The following AGBL4 variants were observed in gnomAD, a reference collection of about 807,000 sequenced individuals.
AGBL4 encodes the protein cytosolic carboxypeptidase 6.
In AGBL4, 58 loss-of-function variants were observed where a neutral mutation model predicts 66.4. That is an observed-to-expected ratio of 0.87 (90% CI 0.71 to 1.09). The LOEUF is 1.09. Among genes scored for constraint, AGBL4 ranks in the 50% least tolerant of loss-of-function variants. The probability of loss-of-function intolerance (pLI) is 0.00; values close to 1 mark genes in which losing one functional copy is unlikely to be tolerated. For missense variants in AGBL4, 579 were observed against 631.0 expected, an observed-to-expected ratio of 0.92 and a Z score of 0.88; for synonymous variants, 234 against 222.9, an observed-to-expected ratio of 1.05 and a Z score of -0.44.
intron 3 of AGBL4, among the ~76,000 whole-genome samples, chr1:49,656,506 T>A (rs1487372702): frequency 1.3e-5 from 2 of 152,172 alleles, no homozygotes; most frequent in African/African-American, 4.8e-5. Flanking sequence ...ACTCATTTTA[T>A]GAGGCCAGCA....
intron 1 of AGBL4, among the ~76,000 whole-genome samples, chr1:49,945,430 C>T (rs1655121713): frequency 6.6e-6 from 1 of 152,018 alleles, no homozygotes. Flanking sequence ...TTAAACCAAA[C>T]AATTAACAGC....
Position 49,045,770 on chromosome 1 carries a change from G to C in AGBL4, c.408C>G (p.Tyr136Ter). 4 of 1,551,504 alleles carry C rather than the reference G, an allele frequency of 2.6e-6. No homozygotes were observed. The highest frequency in any genetic ancestry group is 3.5e-6 in the Non-Finnish European group (4 of 1,146,750). ...WQRLPPKNVY[Y>*]YRCPDHRKNY... Reference sequence around the variant, plus strand: ...TCTTCCTATGGTCCGGGCAGCGGTAGTAGTAAACATTTTTGGGTGGCAGCC... The same window carrying C: ...TCTTCCTATGGTCCGGGCAGCGGTACTAGTAAACATTTTTGGGTGGCAGCC... The change falls in exon 5 of 14, where the codon TAC (tyrosine) becomes TAG (stop). Residue 136 changes from tyrosine to a stop codon, truncating the protein, a stop_gained. Coordinates refer to ENST00000371839, the MANE Select transcript of AGBL4 (RefSeq NM_032785.4). LOFTEE classifies it high-confidence loss of function.
intron 3 of AGBL4, among the ~76,000 whole-genome samples, chr1:49,421,257 T>A (rs939849720): frequency 1.3e-5 from 2 of 152,038 alleles, no homozygotes; most frequent in Admixed American, 6.6e-5. Flanking sequence ...TATGCTCAAG[T>A]ACAAGCACTT....
intron 5 of AGBL4, among the ~76,000 whole-genome samples, chr1:48,946,539 G>GA (rs112958070): frequency 0.026 from 3,917 of 152,234 alleles, 175 homozygotes; most frequent in African/African-American, 0.087. Flanking sequence ...TTCTGCATTG[G>GA]AAAATGGGTG....
At chr1:49,557,013 G>T (rs999189170) in intron 3 of AGBL4, among the ~76,000 whole-genome samples, 1 of 152,094 alleles carries the variant, frequency 6.6e-6, no homozygotes, top group African/African-American at 2.4e-5. Flanking sequence ...GTGCGGGGCT[G>T]CCCAGCCCTC....
chr1:49,058,894 T>A (rs1296665281), intron 4 of AGBL4, among the ~76,000 whole-genome samples: 1 of 152,146 alleles, frequency 6.6e-6, no homozygotes, highest in Non-Finnish European at 1.5e-5. Context: ...AATTTTGAAC[T>A]TGAGAGAGAT....
chr1:48,629,884 G>A (rs143417098), intron 9 of AGBL4, among the ~76,000 whole-genome samples: 1 of 152,256 alleles, frequency 6.6e-6, no homozygotes, highest in Non-Finnish European at 1.5e-5. Flanking sequence ...TTGGGGAGGG[G>A]TTTGTGGTTC....
chr1:48,687,270 G>A (rs1646549043), intron 6 of AGBL4, among the ~76,000 whole-genome samples: 1 of 152,188 alleles, frequency 6.6e-6, no homozygotes, highest in Admixed American at 6.5e-5. Flanking sequence ...AAGGCCAGGG[G>A]AGCTGCCAAC....
chr1:49,770,648 AC>A (rs1323079200), intron 2 of AGBL4, among the ~76,000 whole-genome samples: 1 of 152,034 alleles, frequency 6.6e-6, no homozygotes, highest in Admixed American at 6.5e-5. Flanking sequence ...CAAGACCTGG[AC>A]TTTTTTTTCA....
At chr1:49,717,093 A>G (rs1423936150) in intron 2 of AGBL4, among the ~76,000 whole-genome samples, 2 of 152,184 alleles carry the variant, frequency 1.3e-5, no homozygotes, top group African/African-American at 2.4e-5. Flanking sequence ...ATGATACAAA[A>G]TCAACGTGCA....
At chr1:48,684,415 A>G (rs1199844327) in intron 6 of AGBL4, among the ~76,000 whole-genome samples, 2 of 152,242 alleles carry the variant, frequency 1.3e-5, no homozygotes, top group Non-Finnish European at 2.9e-5. Context: ...ACGTAGTCAT[A>G]GGCTGAGTTC....
intron 8 of AGBL4, among the ~76,000 whole-genome samples, chr1:48,635,614 C>T (rs1183320705): frequency 6.6e-6 from 1 of 152,196 alleles, no homozygotes; most frequent in African/African-American, 2.4e-5. Flanking sequence ...CCCTTGCTCT[C>T]TCAAGGCCTA....
At chr1:49,067,403 C>T (rs1302301300) in intron 4 of AGBL4, among the ~76,000 whole-genome samples, 3 of 152,164 alleles carry the variant, frequency 2.0e-5, no homozygotes, top group Non-Finnish European at 2.9e-5. Flanking sequence ...ATGACATGAC[C>T]TCTACCTACT....
At chr1:50,008,784 T>A (rs1055535965) in intron 1 of AGBL4, among the ~76,000 whole-genome samples, 93 of 151,646 alleles carry the variant, frequency 6.1e-4, no homozygotes, top group African/African-American at 1.8e-3. Flanking sequence ...AAGACAAGTC[T>A]CAAATAAATA....
intron 3 of AGBL4, among the ~76,000 whole-genome samples, chr1:49,303,836 GT>G (rs904474630): frequency 6.6e-6 from 1 of 151,854 alleles, no homozygotes; most frequent in South Asian, 2.1e-4. Flanking sequence ...AATGGGGTTG[GT>G]TTTTTCTCGT....
chr1:49,075,928 C>A (rs1298774947), intron 4 of AGBL4, among the ~76,000 whole-genome samples: 2 of 152,088 alleles, frequency 1.3e-5, no homozygotes, highest in Non-Finnish European at 2.9e-5. Flanking sequence ...AAGAAATCAA[C>A]AAACTGTTGG....
At chr1:49,202,468 C>A (rs1449391133) in intron 4 of AGBL4, among the ~76,000 whole-genome samples, 6 of 152,162 alleles carry the variant, frequency 3.9e-5, no homozygotes, top group East Asian at 3.9e-4. Context: ...AAAAAATAAA[C>A]CTTCACATAT....
intron 3 of AGBL4, among the ~76,000 whole-genome samples, chr1:49,647,683 C>T (rs1367230875): frequency 6.6e-6 from 1 of 152,014 alleles, no homozygotes; most frequent in Non-Finnish European, 1.5e-5. Flanking sequence ...GGTCTTCTCT[C>T]AGGAGAAACT....
At chr1:49,636,919 A>T (rs913776513) in intron 3 of AGBL4, among the ~76,000 whole-genome samples, 1 of 152,196 alleles carries the variant, frequency 6.6e-6, no homozygotes, top group Non-Finnish European at 1.5e-5. Flanking sequence ...GGAGATTAAC[A>T]TTTGAGTCAG....
Sources: gnomAD v4.1 joint callset for allele counts (sites outside exome capture counted in the v4.1 genomes callset) on GRCh38, gnomAD v4.1.1 for gene constraint, MANE v1.5 for transcripts, NCBI Gene and HGNC (gene_info 2026-07-23, HGNC 2026-07-21) for gene names.